SSBP2: variants seen among roughly 807,000 people sequenced by gnomAD.
The protein encoded by SSBP2 is single-stranded DNA-binding protein 2.
A neutral mutation model predicts 61.8 loss-of-function variants in SSBP2; 17 were observed. That is an observed-to-expected ratio of 0.28 (90% CI 0.19 to 0.41). The LOEUF is 0.41. Ranked by LOEUF, SSBP2 falls within the 10% of genes least tolerant of loss-of-function variation. The pLI, the probability that SSBP2 is intolerant of heterozygous loss-of-function variation, is 1.00. For synonymous variants in SSBP2, 139 were observed against 141.3 expected, an observed-to-expected ratio of 0.98 and a Z score of 0.12; for missense variants, 310 against 458.7, an observed-to-expected ratio of 0.68 and a Z score of 2.96.
At chr5:81,751,365 C>T (rs989703702), upstream of SSBP2, 20 of 488,018 alleles carry the variant, frequency 4.1e-5, no homozygotes, top group Non-Finnish European at 4.5e-5. Flanking sequence ...CCTCCGAACC[C>T]GGGCGCAAGG....
chr5:81,467,139 A>G (rs955745458), intron 8 of SSBP2, 74 bp from the exon 9 acceptor site: 66 of 920,444 alleles, frequency 7.2e-5, no homozygotes, highest in Non-Finnish European at 1.1e-4. Flanking sequence ...ATTTCCCTAC[A>G]TAACTCCAAT....
rs1164994882 is a variant in SSBP2 at position 81,442,870 on chromosome 5, C to A, written c.779-147G>T. On this transcript the variant is annotated intron_variant, in intron 12 of 16. Transcript: ENST00000320672. ...AAATTGTCATTACTAAAAATAAATA[C>A]CCACAGTCATTTTCTGACCCCAAAA... The A allele has an allele frequency of 9.5e-6, 4 of 419,798 alleles. No homozygotes were observed. The East Asian group carries it at 1.5e-4, about 16-fold the overall frequency. The allele number at this position is 419,798 out of a possible 1,614,324, so 26.0% of individuals were successfully genotyped here.
At chr5:81,511,380 G>A (rs1342135393) in intron 5 of SSBP2, among the ~76,000 whole-genome samples, 2 of 152,108 alleles carry the variant, frequency 1.3e-5, no homozygotes, top group African/African-American at 4.8e-5. Context: ...CCACCGTTTA[G>A]TATGAATTCA....
At chr5:81,737,294 TAAAAAAAA>T (rs5869085) in intron 1 of SSBP2, among the ~76,000 whole-genome samples, 2 of 139,060 alleles carry the variant, frequency 1.4e-5, no homozygotes, top group South Asian at 2.3e-4. Context: ...TTCTCCAAGT[TAAAAAAAA>T]AAAAAAAAAA....
chr5:81,750,913 T>G, intron 1 of SSBP2, 68 bp downstream of exon 1: 3 of 1,499,702 alleles, frequency 2.0e-6, no homozygotes, highest in South Asian at 2.4e-5. Context: ...TCTCCCAGAG[T>G]GTGCGAGTGC....
intron 11 of SSBP2, among the ~76,000 whole-genome samples, chr5:81,447,572 G>A (rs1280228108): frequency 6.6e-6 from 1 of 152,104 alleles, no homozygotes; most frequent in Non-Finnish European, 1.5e-5. Context: ...TGGGTTGTAG[G>A]CTTTTTCAGA....
intron 1 of SSBP2, among the ~76,000 whole-genome samples, chr5:81,653,889 T>C (rs894262119): frequency 9.2e-5 from 14 of 152,160 alleles, no homozygotes; most frequent in African/African-American, 3.4e-4. Flanking sequence ...TTATCACCTC[T>C]GTGTATAGGA....
intron 2 of SSBP2, among the ~76,000 whole-genome samples, chr5:81,646,239 T>C (rs759451891): frequency 6.6e-6 from 1 of 152,182 alleles, no homozygotes; most frequent in Admixed American, 6.5e-5. Context: ...CTTAGCCTCA[T>C]CTATCCAGAG....
chr5:81,501,271 ACACACACACACATGCACATACACC>A (rs1767733358), intron 5 of SSBP2, among the ~76,000 whole-genome samples: 1 of 53,594 alleles, frequency 1.9e-5, no homozygotes, highest in African/African-American at 1.6e-4. Flanking sequence ...ATATATATAC[ACACACACACACATGCACATACACC>A]CACACACATG....
At chr5:81,750,810 GA>G in intron 1 of SSBP2, 170 bp downstream of exon 1, 1 of 722,556 alleles carries the variant, frequency 1.4e-6, no homozygotes, top group Non-Finnish European at 2.2e-6. Context: ...CACCTCCCGG[GA>G]AAGCGCAGCT....
chr5:81,475,196 G>A (rs923330745), intron 6 of SSBP2, among the ~76,000 whole-genome samples: 12 of 152,078 alleles, frequency 7.9e-5, no homozygotes, highest in Non-Finnish European at 1.3e-4. Context: ...CTTAAAGCTG[G>A]ATTAAGGTAT....
chr5:81,694,717 C>A (rs1753473600), intron 1 of SSBP2, among the ~76,000 whole-genome samples: 1 of 152,136 alleles, frequency 6.6e-6, no homozygotes. Context: ...GCTCATGCCT[C>A]TAATCCTAAT....
At chr5:81,445,866 T>A (rs1310220810) in intron 12 of SSBP2, among the ~76,000 whole-genome samples, 1 of 152,156 alleles carries the variant, frequency 6.6e-6, no homozygotes, top group African/African-American at 2.4e-5. Context: ...TATTTCTTTG[T>A]TTTCTACTTT....
chr5:81,495,908 T>C (rs954403671), intron 5 of SSBP2, among the ~76,000 whole-genome samples: 11 of 152,076 alleles, frequency 7.2e-5, no homozygotes, highest in African/African-American at 1.9e-4. Flanking sequence ...CCCTCTAAAA[T>C]GTCAATTGCT....
intron 5 of SSBP2, among the ~76,000 whole-genome samples, chr5:81,502,991 AC>A (rs930591699): frequency 3.1e-4 from 47 of 152,180 alleles, no homozygotes; most frequent in African/African-American, 1.0e-3. Context: ...AAAACAAACA[AC>A]CCCATTAAAA....
At chr5:81,627,381 A>G (rs1171448312) in intron 3 of SSBP2, among the ~76,000 whole-genome samples, 4 of 152,106 alleles carry the variant, frequency 2.6e-5, no homozygotes, top group African/African-American at 9.7e-5. Context: ...ACTGTCTTAT[A>G]CGATGCTTAG....
rs1224539068 is a variant in SSBP2 at position 81,548,755 on chromosome 5, T to C, written c.283-35038A>G. ...GGCTAACACAGTGAAATCCCGTCTC[T>C]ACTAAAAATACAAAAAATTAGCCAG... On this transcript the variant is annotated intron_variant, in intron 4 of 16. Coordinates refer to ENST00000320672, the MANE Select transcript of SSBP2 (RefSeq NM_012446.5). 2.0e-5 allele frequency among the ~76,000 whole-genome samples: 3 copies of C among 152,114 alleles called. No individual in the cohort carries two copies. In the East Asian group the frequency reaches 5.8e-4, roughly 29 times the overall value.
At chr5:81,649,124 C>T (rs530225560) in intron 2 of SSBP2, among the ~76,000 whole-genome samples, 5 of 152,070 alleles carry the variant, frequency 3.3e-5, no homozygotes, top group Admixed American at 6.6e-5. Context: ...ATTCTAGTTC[C>T]ATAACTCACT....
At chr5:81,645,228 A>C (rs1156926719) in intron 2 of SSBP2, among the ~76,000 whole-genome samples, 1 of 152,216 alleles carries the variant, frequency 6.6e-6, no homozygotes, top group Non-Finnish European at 1.5e-5. Context: ...TTTACCTCCT[A>C]TACTATATTG....
Sources: allele counts gnomAD v4.1 joint callset (sites outside exome capture counted in the v4.1 genomes callset), GRCh38; gene constraint gnomAD v4.1.1; transcripts MANE v1.5; gene names NCBI Gene and HGNC (gene_info 2026-07-23, HGNC 2026-07-21).